Variants in FGF8 observed in about 807,000 individuals in gnomAD.
FGF8 encodes the protein androgen-induced growth factor.
Under a neutral mutation model 29.7 loss-of-function variants are expected in FGF8, and 12 were observed. The ratio of observed to expected loss-of-function variants is 0.40; its 90% confidence interval spans 0.26 to 0.65. FGF8 has a LOEUF of 0.65. Ranked by LOEUF, FGF8 falls within the 30% of genes least tolerant of loss-of-function variation. The pLI is 0.37. For missense variants in FGF8, 271 were observed against 345.1 expected (o/e 0.79, Z 1.70); for synonymous variants, 157 against 144.4 (o/e 1.09, Z -0.63).
rs773644922 is a variant in FGF8 at position 101,770,401 on chromosome 10, C to T, written c.663G>A (p.Glu221=). 4 of 1,606,816 alleles carry T rather than the reference C, an allele frequency of 2.5e-6. No homozygotes were observed. Among genetic ancestry groups the T allele is most frequent in the East Asian group, 4.5e-5 (2 of 44,546 alleles). Residue 221 remains glutamate (E), a synonymous_variant, in exon 6 of 6, where the codon GAG becomes GAA. Transcript: ENST00000320185. ...GCGTGAAGGGCGGGTAGTTGAGGAACTCGAAGCGCAGGCTCTGCTCGGTGG... is the reference window on the plus strand; with the variant it reads ...GCGTGAAGGGCGGGTAGTTGAGGAATTCGAAGCGCAGGCTCTGCTCGGTGG... ...HHTTEQSLRF[E]FLNYPPFTRS...
intron 4 of FGF8, among the ~76,000 whole-genome samples, chr10:101,773,732 A>G (rs556215078): frequency 6.6e-6 from 1 of 152,178 alleles, no homozygotes; most frequent in Non-Finnish European, 1.5e-5. Flanking sequence ...AGGAAATGTT[A>G]AAAAAGGTGA....
In FGF8 at chr10:101,774,747, C is replaced by T; in HGVS notation, c.322G>A (p.Asp108Asn). ...ANKRINAMAEDGDPFAKLIVE... is the reference protein window; with the variant it reads ...ANKRINAMAENGDPFAKLIVE... ...CGCGCCTTACCGAAGGGGTCGCCGT[C>T]CTCTGCCATGGCGTTGATGCGCTTG... Residue 108 changes from aspartate (D) to asparagine (N), a missense_variant, in exon 4 of 6, where the codon GAC becomes AAC. Asp to Asn is a conservative substitution (Grantham distance 23, BLOSUM62 1). Around this residue, in one of 3 missense-constraint regions of FGF8, gnomAD observed 168 missense variants for 207.0 expected, o/e 0.81. Transcript: ENST00000320185. 1 of 1,606,282 alleles carries T rather than the reference C, an allele frequency of 6.2e-7. No individual in the cohort carries two copies. Among genetic ancestry groups the T allele is most frequent in the Non-Finnish European group, 8.5e-7 (1 of 1,179,830 alleles).
In FGF8 at chr10:101,775,645, G is replaced by A. The variant is rs1171700687; in HGVS notation, c.69+95C>T. 3 of 1,423,174 alleles carry A rather than the reference G, an allele frequency of 2.1e-6. No homozygotes were observed. Among genetic ancestry groups the A allele is most frequent in the South Asian group, 1.3e-5 (1 of 78,762 alleles). The allele number at this position is 1,423,174 out of a possible 1,614,324, so 88.2% of individuals were successfully genotyped here. ...AAGGTGCCCTCAGCCCTCCCGCGCC[G>A]GCCGCAGAGTCAGTCCCGGTGCCCC... On this transcript the variant is annotated intron_variant, in intron 2 of 5. Transcript: ENST00000320185. This position sits in a 1 kb window ranked among gnomAD's most constrained non-coding sequence, Gnocchi z 4.6.
upstream of FGF8, among the ~76,000 whole-genome samples, chr10:101,778,842 CTCCTT>C (rs2065117585): frequency 6.6e-6 from 1 of 152,222 alleles, no homozygotes; most frequent in Non-Finnish European, 1.5e-5. Context: ...AGCTCCCTCC[CTCCTT>C]TATCTTATCA....
At chr10:101,777,885 G>A (rs2065111870), upstream of FGF8, among the ~76,000 whole-genome samples, 2 of 152,252 alleles carry the variant, frequency 1.3e-5, no homozygotes, top group Admixed American at 6.5e-5. Context: ...AACACCACCA[G>A]TTAGTGAGCA....
At chr10:101,779,794 T>G (rs1835132761), upstream of FGF8, among the ~76,000 whole-genome samples, 1 of 151,936 alleles carries the variant, frequency 6.6e-6, no homozygotes, top group Non-Finnish European at 1.5e-5. The surrounding 1 kb of genome is among the most constrained non-coding windows in gnomAD (Gnocchi z 5.7). Context: ...CCGAGGACTT[T>G]GGAGGCTGGG....
At chr10:101,780,087 C>T (rs2065130715), upstream of FGF8, among the ~76,000 whole-genome samples, 1 of 152,238 alleles carries the variant, frequency 6.6e-6, no homozygotes, top group South Asian at 2.1e-4. Context: ...CTTCCCTCTC[C>T]CTGCCGACCG....
chr10:101,773,731 T>TA (rs554135437), intron 4 of FGF8, among the ~76,000 whole-genome samples: 5 of 152,144 alleles, frequency 3.3e-5, no homozygotes, highest in Admixed American at 1.3e-4. Context: ...CAGGAAATGT[T>TA]AAAAAAGGTG....
At chr10:101,779,840 C>G (rs1042389074), upstream of FGF8, among the ~76,000 whole-genome samples, 1 of 152,236 alleles carries the variant, frequency 6.6e-6, no homozygotes, top group Non-Finnish European at 1.5e-5. This position sits in a 1 kb window ranked among gnomAD's most constrained non-coding sequence, Gnocchi z 5.7. Flanking sequence ...GTGAGGGCCA[C>G]AGCCAGACTT....
At position 101,775,671 on chromosome 10, in the gene FGF8, C is replaced by G; in HGVS notation, c.69+69G>C. ...GCCGCAGAGTCAGTCCCGGTGCCCC[C>G]GACCGGCGCTGCCCACCCGGGTCTC... On this transcript the variant is annotated intron_variant, in intron 2 of 5. Coordinates refer to ENST00000320185, the MANE Select transcript of FGF8 (RefSeq NM_033163.5). This position sits in a 1 kb window ranked among gnomAD's most constrained non-coding sequence, Gnocchi z 4.6. 6.6e-7 allele frequency: 1 copy of G among 1,514,514 alleles called. No individual in the cohort carries two copies. The highest frequency in any genetic ancestry group is 8.9e-7 in the Non-Finnish European group (1 of 1,126,410). The allele number at this position is 1,514,514 out of a possible 1,614,324, so 93.8% of individuals were successfully genotyped here.
upstream of FGF8, among the ~76,000 whole-genome samples, chr10:101,777,218 C>T (rs2065106322): frequency 6.6e-6 from 1 of 152,170 alleles, no homozygotes; most frequent in African/African-American, 2.4e-5. Flanking sequence ...CCTGAGGTTT[C>T]TGGAAACCCT....
chr10:101,770,723 G>A (rs2065012145), intron 5 of FGF8, 104 bp from the exon 6 acceptor site: 1 of 1,307,710 alleles, frequency 7.6e-7, no homozygotes, highest in Non-Finnish European at 1.1e-6. Context: ...ATGGCGAGGT[G>A]GGCAGGAGCC....
In FGF8 at chr10:101,772,979, G is replaced by A. The variant is rs1405773805; in HGVS notation, c.338-1410C>T. ...TGGAGGAGTGAGAGGATGCCACTCT[G>A]GGGATTCTGGCCAGATGCGGCAGGC... On this transcript the variant is annotated intron_variant, in intron 4 of 5. Transcript: ENST00000320185. The surrounding 1 kb of genome is among the most constrained non-coding windows in gnomAD (Gnocchi z 4.4). 6.6e-6 allele frequency among the ~76,000 whole-genome samples: 1 copy of A among 152,204 alleles called. No homozygotes were observed. Among genetic ancestry groups the A allele is most frequent in the Non-Finnish European group, 1.5e-5 (1 of 68,022 alleles).
At position 101,771,372 on chromosome 10, in the gene FGF8, G is replaced by A. The variant is rs1589810496; in HGVS notation, c.444+91C>T. The A allele has an allele frequency of 4.2e-6, 4 of 958,956 alleles. No individual in the cohort carries two copies. Among genetic ancestry groups the A allele is most frequent in the Non-Finnish European group, 5.1e-6 (3 of 590,156 alleles). 59.4% of individuals were successfully genotyped at this position (958,956 alleles called of 1,614,324 possible). A position where few individuals can be genotyped will look rare whatever the true frequency, so the allele number is the denominator to read the frequency against. ...CTGTGGCCTTCTGCCTACCTTGTTG[G>A]GATCAGAGCCCAGGACTGTCTTGGA... On this transcript the variant is annotated intron_variant, in intron 5 of 5. Coordinates refer to ENST00000320185, the MANE Select transcript of FGF8 (RefSeq NM_033163.5). This position sits in a 1 kb window ranked among gnomAD's most constrained non-coding sequence, Gnocchi z 5.3.
chr10:101,776,884 A>ACACACTAGCCTGAAGCTTGAG (rs2065102545), upstream of FGF8, among the ~76,000 whole-genome samples: 1 of 148,666 alleles, frequency 6.7e-6, no homozygotes, highest in Non-Finnish European at 1.5e-5. Flanking sequence ...ACACACACAC[A>ACACACTAGCCTGAAGCTTGAG]CACACACACT....
In FGF8 at chr10:101,772,548, G is replaced by A. The variant is rs2065039402; in HGVS notation, c.338-979C>T. ...CTTATAGGCTGTCCTCAAGAAAGTA[G>A]TGAGGGTGACTTCACTGTTTAGGAA... is the stretch of plus-strand genomic sequence containing the variant. On this transcript the variant is annotated intron_variant, in intron 4 of 5. Coordinates refer to ENST00000320185, the MANE Select transcript of FGF8 (RefSeq NM_033163.5). This position sits in a 1 kb window ranked among gnomAD's most constrained non-coding sequence, Gnocchi z 4.4. Among the ~76,000 whole-genome samples, 1 of 152,218 alleles carries A rather than the reference G, an allele frequency of 6.6e-6. No homozygotes were observed. Among genetic ancestry groups the A allele is most frequent in the South Asian group, 2.1e-4 (1 of 4,830 alleles).
chr10:101,773,353 T>C (rs1486747662), intron 4 of FGF8, among the ~76,000 whole-genome samples: 3 of 152,166 alleles, frequency 2.0e-5, no homozygotes, highest in Non-Finnish European at 4.4e-5. Context: ...CCTTAGAAGC[T>C]GAGAAGGGCA....
chr10:101,774,994 C>T (rs1429721474), intron 3 of FGF8, 82 bp from the exon 4 acceptor site: 1 of 1,541,454 alleles, frequency 6.5e-7, no homozygotes. Flanking sequence ...CACCCTGCGT[C>T]CCCCTCACTG....
Position 101,770,179 on chromosome 10 carries a change from C to G in FGF8, c.*150G>C. On this transcript the variant is annotated 3_prime_UTR_variant, in exon 6 of 6. Coordinates refer to ENST00000320185, the MANE Select transcript of FGF8 (RefSeq NM_033163.5). ...AAAAAAAAAAACAGCAAAAACCCAA[C>G]AGCAAACAATATCAACAACCGGAAC... 1 of 558,666 alleles carries G rather than the reference C, an allele frequency of 1.8e-6. No individual in the cohort carries two copies. The highest frequency in any genetic ancestry group is 2.9e-6 in the Non-Finnish European group (1 of 342,454). 34.6% of individuals were successfully genotyped at this position (558,666 alleles called of 1,614,324 possible). A position where few individuals can be genotyped will look rare whatever the true frequency, so the allele number is the denominator to read the frequency against.
Sources: gnomAD v4.1 joint callset for allele counts (sites outside exome capture counted in the v4.1 genomes callset) on GRCh38, gnomAD v4.1.1 for gene constraint, gnomAD v4.1.1 regional missense constraint, Gnocchi (gnomAD v3.1) non-coding constraint, MANE v1.5 for transcripts, NCBI Gene and HGNC (gene_info 2026-07-23, HGNC 2026-07-21) for gene names.